The following KCNIP4 variants were observed in gnomAD, a reference collection of about 807,000 sequenced individuals.
The protein encoded by KCNIP4 is potassium voltage-gated channel interacting protein 4.
Under a neutral mutation model 34.0 loss-of-function variants are expected in KCNIP4, and 12 were observed. The ratio of observed to expected loss-of-function variants is 0.35; its 90% CI spans 0.23 to 0.57. The LOEUF (loss-of-function observed/expected upper bound fraction) is 0.57. Among genes scored for constraint, KCNIP4 ranks in the 20% least tolerant of loss-of-function variants. The pLI is 0.83. For missense variants in KCNIP4, 238 were observed against 311.7 expected (o/e 0.76, Z 1.78); for synonymous variants, 124 against 102.2 (o/e 1.21, Z -1.29).
At chr4:21,527,668 T>C (rs1736086924) in intron 1 of KCNIP4, among the ~76,000 whole-genome samples, 1 of 152,172 alleles carries the variant, frequency 6.6e-6, no homozygotes, top group Non-Finnish European at 1.5e-5. Flanking sequence ...GACGTAAAAT[T>C]CAATGGATAG....
At chr4:21,199,447 C>A (rs550482125) in intron 1 of KCNIP4, among the ~76,000 whole-genome samples, 25 of 152,194 alleles carry the variant, frequency 1.6e-4, no homozygotes, top group African/African-American at 6.0e-4. Context: ...TGTTTAAGTT[C>A]TTTGTAGATT....
intron 1 of KCNIP4, among the ~76,000 whole-genome samples, chr4:21,287,653 T>G (rs1763201026): frequency 6.6e-6 from 1 of 152,194 alleles, no homozygotes; most frequent in African/African-American, 2.4e-5. Context: ...TGATACCAAG[T>G]GTTTTTCTAC....
At chr4:21,205,929 G>A (rs532883804) in intron 1 of KCNIP4, among the ~76,000 whole-genome samples, 11 of 152,266 alleles carry the variant, frequency 7.2e-5, no homozygotes, top group African/African-American at 1.7e-4. Flanking sequence ...TATAACATCC[G>A]TGACATCGAG....
intron 1 of KCNIP4, among the ~76,000 whole-genome samples, chr4:20,892,162 A>C (rs982657103): frequency 1.3e-5 from 2 of 152,194 alleles, no homozygotes; most frequent in Non-Finnish European, 2.9e-5. Flanking sequence ...GGAGGCAGAA[A>C]ATGACCTTCC....
intron 1 of KCNIP4, among the ~76,000 whole-genome samples, chr4:20,965,015 A>G (rs982455048): frequency 6.6e-6 from 1 of 152,162 alleles, no homozygotes; most frequent in Non-Finnish European, 1.5e-5. Flanking sequence ...AAATGATTCT[A>G]TTTAACCAAA....
At chr4:21,252,076 G>A (rs1463892259) in intron 1 of KCNIP4, among the ~76,000 whole-genome samples, 1 of 150,658 alleles carries the variant, frequency 6.6e-6, no homozygotes, top group Admixed American at 6.6e-5. Flanking sequence ...GATGTTTTAA[G>A]TAACTACCTG....
intron 1 of KCNIP4, among the ~76,000 whole-genome samples, chr4:21,449,186 A>G (rs917585735): frequency 6.6e-6 from 1 of 152,140 alleles, no homozygotes; most frequent in Non-Finnish European, 1.5e-5. Flanking sequence ...GCCCTTACAC[A>G]CTAATGGAGC....
At chr4:21,837,835 T>C (rs1723446878) in intron 1 of KCNIP4, among the ~76,000 whole-genome samples, 1 of 152,160 alleles carries the variant, frequency 6.6e-6, no homozygotes, top group Non-Finnish European at 1.5e-5. Context: ...CTGCCATTGC[T>C]AGTGAAAAGG....
intron 1 of KCNIP4, among the ~76,000 whole-genome samples, chr4:21,836,560 T>C (rs982511840): frequency 1.3e-5 from 2 of 152,222 alleles, no homozygotes; most frequent in Admixed American, 1.3e-4. Flanking sequence ...ACATGGCTGT[T>C]GGAAAATTTG....
intron 1 of KCNIP4, among the ~76,000 whole-genome samples, chr4:20,913,370 A>G (rs1434466469): frequency 6.6e-6 from 1 of 152,196 alleles, no homozygotes; most frequent in East Asian, 1.9e-4. Flanking sequence ...AATGTTAGCC[A>G]GGAACTGAGA....
chr4:20,904,375 C>T (rs2149557278), intron 1 of KCNIP4, among the ~76,000 whole-genome samples: 2 of 148,630 alleles, frequency 1.3e-5, no homozygotes, highest in South Asian at 4.2e-4. Context: ...ATATTTGAAA[C>T]CCTAGGAAAG....
At chr4:21,828,033 T>C (rs1285878190) in intron 1 of KCNIP4, among the ~76,000 whole-genome samples, 1 of 147,578 alleles carries the variant, frequency 6.8e-6, no homozygotes, top group Non-Finnish European at 1.5e-5. Flanking sequence ...AAAAAAAACC[T>C]GTAGAAACAA....
intron 1 of KCNIP4, chr4:21,582,292 A>G (rs1741295748): frequency 6.6e-6 from 1 of 151,974 alleles, no homozygotes; most frequent in African/African-American, 2.4e-5. Flanking sequence ...TCATCTAGCC[A>G]CTGACCCTGG....
rs78608166 is a variant in KCNIP4, at chr4:21,171,814, C to T, written c.62-289105G>A. Among the ~76,000 whole-genome samples, 23 of 152,284 alleles carry T rather than the reference C, an allele frequency of 1.5e-4. No homozygotes were observed. The East Asian group carries it at 4.4e-3, about 29-fold the overall frequency. ...AGAGCACATGGACTCAGCACTTGCT[C>T]AGTTCATGGTAGCTCTCAACAGCCT... On this transcript the variant is annotated intron_variant, in intron 1 of 8. Coordinates refer to ENST00000382152, the MANE Select transcript of KCNIP4 (RefSeq NM_025221.6).
rs1746934922 is a variant in KCNIP4 at position 20,728,983 on chromosome 4, A to T, written c.*1099T>A. ...CTGTAATCTGGATTAGTTGTTGAGC[A>T]CTTATTTTCTACTAAATCTTGGTAG... On this transcript the variant is annotated 3_prime_UTR_variant, in exon 9 of 9. Transcript: ENST00000382152. 6.6e-6 allele frequency: 1 copy of T among 152,126 alleles called. No individual in the cohort carries two copies. The highest frequency in any genetic ancestry group is 1.5e-5 in the Non-Finnish European group (1 of 67,944). The allele number at this position is 152,126 out of a possible 1,614,324, so 9.4% of individuals were successfully genotyped here. A position where few individuals can be genotyped will look rare whatever the true frequency, so the allele number is the denominator to read the frequency against.
At chr4:21,507,522 G>A (rs760650969) in intron 1 of KCNIP4, among the ~76,000 whole-genome samples, 1 of 152,116 alleles carries the variant, frequency 6.6e-6, no homozygotes, top group Non-Finnish European at 1.5e-5. Flanking sequence ...CTCCCAAAGT[G>A]CTAGAATTAC....
intron 1 of KCNIP4, among the ~76,000 whole-genome samples, chr4:21,797,630 G>A (rs1243630217): frequency 6.6e-6 from 1 of 152,024 alleles, no homozygotes; most frequent in Non-Finnish European, 1.5e-5. Context: ...GGATGTCATT[G>A]TTATATTTGG....
chr4:21,029,942 C>G (rs921818196), intron 1 of KCNIP4, among the ~76,000 whole-genome samples: 1 of 152,126 alleles, frequency 6.6e-6, no homozygotes, highest in Admixed American at 6.6e-5. Context: ...TCTTCTATGT[C>G]CAAAACACTC....
chr4:20,740,969 CAAAG>C (rs937422048), intron 5 of KCNIP4, among the ~76,000 whole-genome samples: 109 of 152,212 alleles, frequency 7.2e-4, no homozygotes, highest in African/African-American at 1.8e-3. Flanking sequence ...TCAAAACAGA[CAAAG>C]AAGGCTATTA....
Sources: allele counts gnomAD v4.1 joint callset (sites outside exome capture counted in the v4.1 genomes callset), GRCh38; gene constraint gnomAD v4.1.1; transcripts MANE v1.5; gene names NCBI Gene and HGNC (gene_info 2026-07-23, HGNC 2026-07-21).